OR2L13: variants seen among roughly 807,000 people sequenced by gnomAD.
OR2L13 encodes the protein olfactory receptor family 2 subfamily L member 13.
In OR2L13, 14 loss-of-function variants were observed where a neutral mutation model predicts 15.3. That is an observed-to-expected ratio of 0.91 (90% CI 0.60 to 1.43). The LOEUF is 1.43. OR2L13 is among the 40% of genes most tolerant of loss of function. OR2L13 has a pLI of 0.00. For missense variants in OR2L13, 367 were observed against 387.9 expected (o/e 0.95, Z 0.45); for synonymous variants, 152 against 142.9 (o/e 1.06, Z -0.45).
At chr1:247,960,350 A>G in the OR2L13 span, among the ~76,000 whole-genome samples, 1 of 152,106 alleles carries the variant, frequency 6.6e-6, no homozygotes, top group African/African-American at 2.4e-5. Flanking sequence ...GTCCACCCCT[A>G]CTGGGGGGTG....
chr1:248,006,240 G>GAC, the OR2L13 span, among the ~76,000 whole-genome samples: 1 of 132,614 alleles, frequency 7.5e-6, no homozygotes, highest in Non-Finnish European at 1.6e-5. Context: ...AATATTGCAA[G>GAC]ATATGTGTGT....
the OR2L13 span, among the ~76,000 whole-genome samples, chr1:248,050,846 C>T: frequency 6.6e-6 from 1 of 152,010 alleles, no homozygotes; most frequent in Non-Finnish European, 1.5e-5. Context: ...AAAATTTGCT[C>T]TTCTAAATTT....
chr1:248,084,494 T>C, the OR2L13 span: 1 of 1,611,830 alleles, frequency 6.2e-7, no homozygotes, highest in South Asian at 1.1e-5. Context: ...AACAGGGAGG[T>C]CAAAACGATA....
chr1:247,948,810 G>A, the OR2L13 span: 17 of 1,492,290 alleles, frequency 1.1e-5, no homozygotes, highest in African/African-American at 5.6e-5. Flanking sequence ...ATTACTGTAC[G>A]TAAATTACTC....
chr1:248,060,859 T>A, the OR2L13 span: 4 of 1,613,946 alleles, frequency 2.5e-6, no homozygotes, highest in Non-Finnish European at 2.5e-6. Context: ...ACCCATGTAT[T>A]TCCTACTTAG....
chr1:248,027,672 A>G, the OR2L13 span, among the ~76,000 whole-genome samples: 1 of 152,108 alleles, frequency 6.6e-6, no homozygotes, highest in Non-Finnish European at 1.5e-5. Flanking sequence ...TTCCCCTGAT[A>G]TATTGGGCCT....
chr1:247,940,783 G>A, the OR2L13 span, among the ~76,000 whole-genome samples: 7 of 151,822 alleles, frequency 4.6e-5, no homozygotes, highest in East Asian at 3.9e-4. Context: ...GAATTGCTGC[G>A]TCAAATGGTA....
chr1:248,045,320 CTGT>C, the OR2L13 span, among the ~76,000 whole-genome samples: 1 of 152,160 alleles, frequency 6.6e-6, no homozygotes, highest in Non-Finnish European at 1.5e-5. Context: ...GTGCTTTCTA[CTGT>C]AGATATGTGA....
At chr1:247,954,331 A>G in the OR2L13 span, among the ~76,000 whole-genome samples, 1 of 152,232 alleles carries the variant, frequency 6.6e-6, no homozygotes, top group Non-Finnish European at 1.5e-5. Flanking sequence ...CAGTACTTAC[A>G]GCATGGTAAG....
the OR2L13 span, among the ~76,000 whole-genome samples, chr1:248,078,883 A>G: frequency 6.6e-6 from 1 of 152,242 alleles, no homozygotes; most frequent in African/African-American, 2.4e-5. Flanking sequence ...TCTGAAGTTT[A>G]CATAATGTAT....
At chr1:248,082,747 T>G in the OR2L13 span, among the ~76,000 whole-genome samples, 2 of 152,312 alleles carry the variant, frequency 1.3e-5, no homozygotes, top group African/African-American at 4.8e-5. Flanking sequence ...ATATCTCTAC[T>G]CACCTATGCC....
At chr1:248,041,110 C>G in the OR2L13 span, 1 of 151,968 alleles carries the variant, frequency 6.6e-6, no homozygotes, top group African/African-American at 2.4e-5. Flanking sequence ...AAAGATTTAC[C>G]TAATCTCACA....
the OR2L13 span, among the ~76,000 whole-genome samples, chr1:248,047,377 A>G: frequency 6.6e-6 from 1 of 152,182 alleles, no homozygotes; most frequent in Non-Finnish European, 1.5e-5. Context: ...ATGCCTGGAA[A>G]GTATTAGTGT....
upstream of OR2L13, among the ~76,000 whole-genome samples, chr1:248,093,667 A>G (rs1476195828): frequency 6.6e-6 from 1 of 152,198 alleles, no homozygotes; most frequent in Non-Finnish European, 1.5e-5. Flanking sequence ...AAGGGTGCCA[A>G]GATAATTCAA....
the OR2L13 span, among the ~76,000 whole-genome samples, chr1:248,034,196 G>T: frequency 6.6e-6 from 1 of 152,134 alleles, no homozygotes; most frequent in African/African-American, 2.4e-5. Context: ...CATGCTCATG[G>T]ATAGGTAGAA....
At chr1:248,062,414 A>G in the OR2L13 span, 1 of 151,644 alleles carries the variant, frequency 6.6e-6, no homozygotes, top group East Asian at 1.9e-4. Context: ...TATATTGAAG[A>G]CACTGTCTTT....
At chr1:248,053,306 AG>A in the OR2L13 span, among the ~76,000 whole-genome samples, 1 of 152,168 alleles carries the variant, frequency 6.6e-6, no homozygotes, top group South Asian at 2.1e-4. Flanking sequence ...ATGGCTGTAT[AG>A]TATTCCATTG....
chr1:248,074,564 A>T, the OR2L13 span, among the ~76,000 whole-genome samples: 5 of 152,292 alleles, frequency 3.3e-5, no homozygotes, highest in Middle Eastern at 3.4e-3. Context: ...GTTCAAGCTG[A>T]GAGCAGGAAC....
upstream of OR2L13, among the ~76,000 whole-genome samples, chr1:248,093,940 A>G (rs1265303483): frequency 2.6e-5 from 4 of 152,186 alleles, no homozygotes. Context: ...GTGGGGAATA[A>G]ACTGGAGATG....
Sources: gnomAD v4.1 joint callset for allele counts (sites outside exome capture counted in the v4.1 genomes callset) on GRCh38, gnomAD v4.1.1 for gene constraint, MANE v1.5 for transcripts, NCBI Gene and HGNC (gene_info 2026-07-23, HGNC 2026-07-21) for gene names.